The following DRICH1 variants were observed in gnomAD, a reference collection of about 807,000 sequenced individuals.
DRICH1 encodes aspartate-rich protein 1.
A neutral mutation model predicts 39.5 loss-of-function variants in DRICH1; 38 were observed. The ratio of observed to expected loss-of-function variants is 0.96; its 90% CI spans 0.74 to 1.26. DRICH1 has a LOEUF of 1.26. DRICH1 is among the 50% of genes most tolerant of loss of function. The probability of loss-of-function intolerance (pLI) is 0.00; values close to 1 mark genes in which losing one functional copy is unlikely to be tolerated. For missense variants in DRICH1, 279 were observed against 270.4 expected (o/e 1.03, Z -0.22); for synonymous variants, 84 against 99.5 (o/e 0.84, Z 0.93).
At chr22:23,608,395 G>A (rs2298371), downstream of DRICH1, 2 of 284,538 alleles carry the variant, frequency 7.0e-6, no homozygotes, top group East Asian at 1.2e-4. Context: ...ATGTCATTGA[G>A]TGGAAACCCT....
chr22:23,600,045 C>A, the DRICH1 span, among the ~76,000 whole-genome samples: 2 of 152,096 alleles, frequency 1.3e-5, no homozygotes, highest in African/African-American at 4.8e-5. Context: ...TGTGTGTGTA[C>A]GGACAGATAT....
chr22:23,602,817 T>C, the DRICH1 span, among the ~76,000 whole-genome samples: 46 of 152,278 alleles, frequency 3.0e-4, no homozygotes, highest in East Asian at 6.7e-3. Flanking sequence ...GAGTAAACTT[T>C]ACCATAAAGT....
chr22:23,614,198 G>A lies in DRICH1; in HGVS notation c.558C>T (p.Ser186=). 3 of 1,613,350 alleles carry A rather than the reference G, an allele frequency of 1.9e-6. No homozygotes were observed. Among genetic ancestry groups the A allele is most frequent in the East Asian group, 2.2e-5 (1 of 44,874 alleles). ...PSPVQACSED[S]LFLRCSLRHK... ...GTCTCAGTGAGCATCTTAAAAACAGGCTATCTTCAGAACAAGCTGGAAGGA... is the reference window on the plus strand; with the variant it reads ...GTCTCAGTGAGCATCTTAAAAACAGACTATCTTCAGAACAAGCTGGAAGGA... The change falls in exon 9 of 12, where the codon AGC becomes AGT. Residue 186 remains serine, a synonymous_variant. Transcript: ENST00000317749.
At chr22:23,610,276 G>A (rs1926963803) in intron 11 of DRICH1, 1 of 152,224 alleles carries the variant, frequency 6.6e-6, no homozygotes, top group Non-Finnish European at 1.5e-5. Flanking sequence ...TGGTTGTTCA[G>A]TAATGTGCTA....
chr22:23,628,014 G>A (rs1226230963), intron 1 of DRICH1, among the ~76,000 whole-genome samples: 2 of 152,174 alleles, frequency 1.3e-5, no homozygotes, highest in Non-Finnish European at 2.9e-5. Context: ...CCCATAGCCA[G>A]GGCCCCTCTA....
At chr22:23,626,479 T>A (rs1461784407) in intron 1 of DRICH1, among the ~76,000 whole-genome samples, 2 of 152,200 alleles carry the variant, frequency 1.3e-5, no homozygotes, top group Non-Finnish European at 2.9e-5. Context: ...ATATTTCCTT[T>A]GGTTCTGACT....
At chr22:23,589,384 G>A in the DRICH1 span, among the ~76,000 whole-genome samples, 3 of 151,902 alleles carry the variant, frequency 2.0e-5, no homozygotes, top group Non-Finnish European at 4.4e-5. Context: ...CCAAGAGCTC[G>A]AGGCTGCAGT....
In DRICH1 at chr22:23,608,648, G is replaced by C; in HGVS notation, c.*116C>G. 2 of 1,070,384 alleles carry C rather than the reference G, an allele frequency of 1.9e-6. No individual in the cohort carries two copies. The highest frequency in any genetic ancestry group is 2.6e-5 in the East Asian group (1 of 38,618). The allele number at this position is 1,070,384 out of a possible 1,614,324, so 66.3% of individuals were successfully genotyped here. A position where few individuals can be genotyped will look rare whatever the true frequency, so the allele number is the denominator to read the frequency against. On this transcript the variant is annotated 3_prime_UTR_variant, in exon 12 of 12. Coordinates refer to ENST00000317749, the MANE Select transcript of DRICH1 (RefSeq NM_016449.4). ...GACTTTTTCTCTCTGCTGGGACCAA[G>C]AGTTTTCCTCAGAATGTAGAGAGGA...
intron 1 of DRICH1, among the ~76,000 whole-genome samples, chr22:23,626,942 A>G (rs1411604855): frequency 6.6e-6 from 1 of 152,138 alleles, no homozygotes; most frequent in East Asian, 1.9e-4. Flanking sequence ...CAGGAGTTCA[A>G]CAATTGGTCC....
chr22:23,631,789 G>A lies in DRICH1; in HGVS notation c.208+27C>T, dbSNP rs760954940. The A allele has an allele frequency of 4.4e-6, 7 of 1,597,270 alleles. No individual in the cohort carries two copies. The Admixed American group carries it at 1.2e-4, about 27-fold the overall frequency. On this transcript the variant is annotated intron_variant, in intron 1 of 11. Transcript: ENST00000317749. ...GGGGGTGGCCAGAGGTGTGCCAGAGGGTAAACGGCACCCGTGGCTTTTTTA... is the reference window on the plus strand; with the variant it reads ...GGGGGTGGCCAGAGGTGTGCCAGAGAGTAAACGGCACCCGTGGCTTTTTTA...
intron 8 of DRICH1, among the ~76,000 whole-genome samples, chr22:23,615,088 T>TTTATATTTTTTATATTTTATA (rs1417213462): frequency 1.3e-5 from 2 of 152,196 alleles, no homozygotes; most frequent in Admixed American, 6.5e-5. Context: ...AAAATTATTT[T>TTTATATTTTTTATATTTTATA]TTTGGTTGAG....
chr22:23,587,196 C>G, the DRICH1 span, among the ~76,000 whole-genome samples: 10 of 152,300 alleles, frequency 6.6e-5, no homozygotes, highest in South Asian at 1.2e-3. Context: ...CCCCTCCCCC[C>G]ATGCTTCCAG....
chr22:23,607,698 G>T (rs1200038517), downstream of DRICH1, among the ~76,000 whole-genome samples: 1 of 152,172 alleles, frequency 6.6e-6, no homozygotes, highest in Non-Finnish European at 1.5e-5. Context: ...ATCATTCTTA[G>T]GTTTGCACAG....
At chr22:23,625,122 A>G (rs551181413) in intron 2 of DRICH1, among the ~76,000 whole-genome samples, 1 of 152,350 alleles carries the variant, frequency 6.6e-6, no homozygotes, top group African/African-American at 2.4e-5. Flanking sequence ...TGGTAAATGC[A>G]CAATGCCTAA....
At chr22:23,597,502 C>CGAAAA in the DRICH1 span, among the ~76,000 whole-genome samples, 1 of 106,442 alleles carries the variant, frequency 9.4e-6, no homozygotes, top group African/African-American at 3.5e-5. Context: ...GACCCTGTCT[C>CGAAAA]AAAAAAAAAA....
chr22:23,596,024 C>T, the DRICH1 span, among the ~76,000 whole-genome samples: 226 of 152,336 alleles, frequency 1.5e-3, no homozygotes, highest in African/African-American at 5.1e-3. Context: ...GTCTTCTCAC[C>T]GGAGCTCTCA....
chr22:23,593,030 CA>C, the DRICH1 span, among the ~76,000 whole-genome samples: 1 of 140,022 alleles, frequency 7.1e-6, no homozygotes, highest in Non-Finnish European at 1.5e-5. Context: ...GGCTTCACCT[CA>C]AAAAAAAGAA....
chr22:23,631,875 T>C lies in DRICH1; in HGVS notation c.149A>G (p.Asp50Gly), dbSNP rs771228041. The C allele has an allele frequency of 6.2e-7, 1 of 1,612,942 alleles. No individual in the cohort carries two copies. Among genetic ancestry groups the C allele is most frequent in the South Asian group, 1.1e-5 (1 of 91,016 alleles). ...ESTTVEPGKL[D>G]VGATEGQDLQ... is the part of the protein sequence containing the mutation. ...GTCTTGGCCCTCCGTGGCTCCCACA[T>C]CCAGCTTGCCAGGCTCTACAGTAGT... The change falls in exon 1 of 12, where the codon GAT becomes GGT. Residue 50 changes from aspartate to glycine, a missense_variant. Coordinates refer to ENST00000317749, the MANE Select transcript of DRICH1 (RefSeq NM_016449.4).
At chr22:23,612,292 C>A (rs1423222204) in intron 11 of DRICH1, among the ~76,000 whole-genome samples, 1 of 151,690 alleles carries the variant, frequency 6.6e-6, no homozygotes, top group African/African-American at 2.4e-5. Flanking sequence ...ATGGTGAAAC[C>A]CTGTCTCCAC....
Sources: gnomAD v4.1 joint callset for allele counts (sites outside exome capture counted in the v4.1 genomes callset) on GRCh38, gnomAD v4.1.1 for gene constraint, MANE v1.5 for transcripts, NCBI Gene and HGNC (gene_info 2026-07-23, HGNC 2026-07-21) for gene names.